FAXDC2: variants seen among roughly 807,000 people sequenced by gnomAD.
The protein encoded by FAXDC2 is fatty acid hydroxylase domain containing 2, also known as fatty acid hydroxylase domain-containing protein 2.
FAXDC2 carries 41 observed loss-of-function variants against 40.9 expected under a neutral mutation model. That is an observed-to-expected ratio of 1.00 (90% confidence interval 0.78 to 1.30). The LOEUF is 1.30. FAXDC2 is among the 50% of genes most tolerant of loss of function. The probability of loss-of-function intolerance (pLI) is 0.00; values close to 1 mark genes in which losing one functional copy is unlikely to be tolerated. For synonymous variants in FAXDC2, 157 were observed against 149.3 expected, an observed-to-expected ratio of 1.05 and a Z score of -0.38; for missense variants, 390 against 408.8, an observed-to-expected ratio of 0.95 and a Z score of 0.40.
rs1433629287 is a variant in FAXDC2, at chr5:154,844,294, A to G, written c.1-6116T>C. On this transcript the variant is annotated intron_variant, in intron 1 of 8. Coordinates refer to ENST00000326080, the MANE Select transcript of FAXDC2 (RefSeq NM_032385.5). ...AAAATTAAAAAGATTAGGTGGGACGATCACTTGAGCTGGGGAGGTGGAGGT... is the reference window on the plus strand; with the variant it reads ...AAAATTAAAAAGATTAGGTGGGACGGTCACTTGAGCTGGGGAGGTGGAGGT... Among the ~76,000 whole-genome samples the G allele has an allele frequency of 4.0e-5, 6 of 151,656 alleles. No individual in the cohort carries two copies. In the East Asian group the frequency reaches 1.2e-3, roughly 29 times the overall value.
At chr5:154,830,391 C>T (rs1760158766) in intron 5 of FAXDC2, 1 of 173,978 alleles carries the variant, frequency 5.7e-6, no homozygotes, top group Admixed American at 5.5e-5. Context: ...CCGTCTATTA[C>T]AGTGGAGTTA....
intron 5 of FAXDC2, chr5:154,823,832 G>A (rs780471750): frequency 2.5e-5 from 13 of 511,380 alleles, no homozygotes; most frequent in East Asian, 6.9e-5. Flanking sequence ...AGTCTGTGTC[G>A]GAACCTGCCT....
chr5:154,837,873 AGAG>A (rs1203411115), intron 2 of FAXDC2, among the ~76,000 whole-genome samples: 1 of 152,228 alleles, frequency 6.6e-6, no homozygotes, highest in South Asian at 2.1e-4. Context: ...AGGAGAGCCA[AGAG>A]GAGAAGGGAG....
At chr5:154,836,388 T>C (rs1363124103) in intron 2 of FAXDC2, 1 of 152,182 alleles carries the variant, frequency 6.6e-6, no homozygotes, top group Non-Finnish European at 1.5e-5. Flanking sequence ...GACCAAACAA[T>C]GCCCCAGATT....
intron 5 of FAXDC2, chr5:154,824,757 C>A: frequency 1.8e-6 from 1 of 569,068 alleles, no homozygotes; most frequent in Non-Finnish European, 3.1e-6. Flanking sequence ...AATTTATGTT[C>A]CAGTGAGAAA....
chr5:154,847,446 C>T (rs1760624300), intron 1 of FAXDC2, among the ~76,000 whole-genome samples: 1 of 151,586 alleles, frequency 6.6e-6, no homozygotes, highest in Non-Finnish European at 1.5e-5. Flanking sequence ...TATTTGTCTA[C>T]AGCCCAACTC....
Position 154,820,453 on chromosome 5 carries a change from C to T in FAXDC2, c.865G>A (p.Val289Met), listed in dbSNP as rs749395226. 1 of 1,612,120 alleles carries T rather than the reference C, an allele frequency of 6.2e-7. No individual in the cohort carries two copies. The highest frequency in any genetic ancestry group is 8.5e-7 in the Non-Finnish European group (1 of 1,179,058). The change falls in exon 9 of 9, where the codon GTG (valine) becomes ATG (methionine). Residue 289 changes from valine to methionine, a missense_variant. Physicochemically the swap from Val to Met is conservative, Grantham distance 21 (BLOSUM62 1). Transcript: ENST00000326080. Reference sequence around the variant, plus strand: ...TGGAGGTGGTCCAGCACACCCAGCACCCCATAGCACTGGTTGAACCTAGAA... The same window carrying T: ...TGGAGGTGGTCCAGCACACCCAGCATCCCATAGCACTGGTTGAACCTAGAA... ...HHLKFNQCYG[V>M]LGVLDHLHGT...
At chr5:154,821,052 A>C in intron 8 of FAXDC2, 2 of 552,066 alleles carry the variant, frequency 3.6e-6, no homozygotes, top group Non-Finnish European at 6.5e-6. Flanking sequence ...AGTCCAAATA[A>C]AGGTTTAAAA....
At chr5:154,837,264 C>A (rs1486021636) in intron 2 of FAXDC2, among the ~76,000 whole-genome samples, 4 of 151,680 alleles carry the variant, frequency 2.6e-5, no homozygotes, top group Admixed American at 6.6e-5. Flanking sequence ...ATTGGAGGAA[C>A]TTGCTCTTTT....
chr5:154,829,301 T>C (rs1760130924), intron 5 of FAXDC2, among the ~76,000 whole-genome samples: 1 of 152,174 alleles, frequency 6.6e-6, no homozygotes, highest in Admixed American at 6.5e-5. Context: ...AGAGCAGGAA[T>C]GGATCATAGG....
At chr5:154,820,553 C>A (rs1759858980) in intron 8 of FAXDC2, 81 bp from the exon 9 acceptor site, 2 of 1,215,470 alleles carry the variant, frequency 1.6e-6, no homozygotes, top group South Asian at 2.9e-5. Flanking sequence ...CAGCCTCACA[C>A]ATTTCTCAGC....
At chr5:154,823,290 A>G (rs2113122567) in intron 6 of FAXDC2, 97 bp downstream of exon 6, 2 of 1,137,928 alleles carry the variant, frequency 1.8e-6, no homozygotes, top group Middle Eastern at 5.8e-4. Context: ...CCAGGATTAC[A>G]AGCGTGAGTC....
chr5:154,821,041 G>C (rs1759874689), intron 8 of FAXDC2: 1 of 542,448 alleles, frequency 1.8e-6, no homozygotes, highest in Non-Finnish European at 3.3e-6. Context: ...AAAGGGCCCA[G>C]AGTCCAAATA....
At chr5:154,850,298 T>C (rs1760697928) in intron 1 of FAXDC2, among the ~76,000 whole-genome samples, 185 bp downstream of exon 1, 1 of 152,218 alleles carries the variant, frequency 6.6e-6, no homozygotes, top group Non-Finnish European at 1.5e-5. Flanking sequence ...ACTACAGCAA[T>C]GTCCTAGGAC....
At chr5:154,839,334 A>G (rs1760426468) in intron 1 of FAXDC2, among the ~76,000 whole-genome samples, 1 of 151,622 alleles carries the variant, frequency 6.6e-6, no homozygotes, top group Admixed American at 6.6e-5. Context: ...TCAAAAAAAA[A>G]AAAAAAAAGA....
chr5:154,824,884 T>TG (rs1759982397), intron 5 of FAXDC2, among the ~76,000 whole-genome samples: 3 of 151,598 alleles, frequency 2.0e-5, no homozygotes, highest in Non-Finnish European at 1.5e-5. Context: ...AGGCCAGGAA[T>TG]TTGAGAGCAG....
chr5:154,845,854 C>T (rs1315015201), intron 1 of FAXDC2, among the ~76,000 whole-genome samples: 4 of 150,376 alleles, frequency 2.7e-5, no homozygotes, highest in African/African-American at 2.4e-5. Context: ...GGCGTGATCT[C>T]GGCTCACTGC....
chr5:154,830,961 G>A (rs1392530153), intron 4 of FAXDC2, 39 bp from the exon 5 acceptor site: 2 of 1,610,204 alleles, frequency 1.2e-6, no homozygotes, highest in Non-Finnish European at 1.7e-6. Context: ...GCGACTTTGG[G>A]TTCTCACAGC....
chr5:154,842,989 G>A (rs1760517427), intron 1 of FAXDC2, among the ~76,000 whole-genome samples: 1 of 152,120 alleles, frequency 6.6e-6, no homozygotes, highest in South Asian at 2.1e-4. Context: ...TTAATGACAA[G>A]GAACCAACTG....
Sources: allele counts gnomAD v4.1 joint callset (sites outside exome capture counted in the v4.1 genomes callset), GRCh38; gene constraint gnomAD v4.1.1; transcripts MANE v1.5; gene names NCBI Gene and HGNC (gene_info 2026-07-23, HGNC 2026-07-21).